The following RERE variants were observed in gnomAD, a reference collection of about 807,000 sequenced individuals.
RERE encodes the protein arginine-glutamic acid dipeptide repeats.
RERE carries 40 observed loss-of-function variants against 146.1 expected under a neutral mutation model. The observed-to-expected ratio is 0.27, with a 90% CI of 0.21 to 0.36. The LOEUF (loss-of-function observed/expected upper bound fraction) is 0.36. RERE is among the 10% of genes least tolerant of loss of function. The probability of loss-of-function intolerance (pLI) is 1.00; values close to 1 mark genes in which losing one functional copy is unlikely to be tolerated. For synonymous variants in RERE, 1,003 were observed against 866.0 expected (o/e 1.16, Z -2.78); for missense variants, 1,933 against 2,138.7 (o/e 0.90, Z 1.90).
At chr1:8,671,072 T>C (rs1158504721) in intron 1 of RERE, among the ~76,000 whole-genome samples, 1 of 152,186 alleles carries the variant, frequency 6.6e-6, no homozygotes, top group African/African-American at 2.4e-5. Flanking sequence ...GGAATTCTGT[T>C]GGAATGTATT....
intron 7 of RERE, among the ~76,000 whole-genome samples, chr1:8,536,527 G>A (rs935657741): frequency 3.3e-5 from 5 of 152,132 alleles, no homozygotes; most frequent in South Asian, 2.1e-4. Flanking sequence ...AACCACCGAC[G>A]CTGGTGTTTT....
intron 11 of RERE, among the ~76,000 whole-genome samples, chr1:8,427,312 G>A (rs1258885917): frequency 6.6e-6 from 1 of 152,036 alleles, no homozygotes; most frequent in African/African-American, 2.4e-5. Context: ...ATACCACTTG[G>A]CCTAATTCTC....
intron 12 of RERE, among the ~76,000 whole-genome samples, chr1:8,386,909 G>A (rs1642697377): frequency 1.3e-5 from 2 of 152,130 alleles, no homozygotes; most frequent in Admixed American, 1.3e-4. Context: ...ATAGAAAAAA[G>A]ACGGATAAAG....
chr1:8,545,258 A>G (rs541786609), intron 6 of RERE, among the ~76,000 whole-genome samples: 2 of 152,336 alleles, frequency 1.3e-5, no homozygotes, highest in African/African-American at 2.4e-5. Flanking sequence ...CCCATGTGTT[A>G]GCATCCTTTC....
intron 1 of RERE, among the ~76,000 whole-genome samples, chr1:8,687,731 T>A (rs934259328): frequency 1.3e-5 from 2 of 152,072 alleles, no homozygotes; most frequent in African/African-American, 4.8e-5. Flanking sequence ...TTGAAGGGAG[T>A]CATCAGTCAT....
intron 11 of RERE, among the ~76,000 whole-genome samples, chr1:8,462,589 C>T (rs1318514560): frequency 6.6e-6 from 1 of 152,248 alleles, no homozygotes; most frequent in African/African-American, 2.4e-5. Context: ...CAGCAGGGAA[C>T]TCACACCTTC....
chr1:8,677,222 G>A (rs906540990), intron 1 of RERE, among the ~76,000 whole-genome samples: 4 of 152,100 alleles, frequency 2.6e-5, no homozygotes, highest in Admixed American at 2.6e-4. Flanking sequence ...CTGAGATCAG[G>A]AGTTCGAGAC....
At chr1:8,417,476 C>T (rs924916987) in intron 12 of RERE, among the ~76,000 whole-genome samples, 1 of 152,136 alleles carries the variant, frequency 6.6e-6, no homozygotes, top group African/African-American at 2.4e-5. Flanking sequence ...AAGTTAAAAA[C>T]GTCAAAACTG....
chr1:8,691,532 A>G (rs527300457), intron 1 of RERE, among the ~76,000 whole-genome samples: 1 of 152,344 alleles, frequency 6.6e-6, no homozygotes, highest in East Asian at 1.9e-4. Context: ...TCTAGGGCTC[A>G]CCAGAATAGG....
rs780472194 is a variant in RERE, at chr1:8,355,130, CA to C, written c.4668-11del. 1 of 1,613,790 alleles carries C rather than the reference CA, an allele frequency of 6.2e-7. No homozygotes were observed. The highest frequency in any genetic ancestry group is 1.1e-5 in the South Asian group (1 of 91,074). On this transcript the variant is annotated splice_polypyrimidine_tract_variant and intron_variant, in intron 22 of 22. Transcript: ENST00000400908. ...TTCTTTCTTCAGTCGACTGGAAAGA[CA>C]AAACAGGAAAGCGTATTTAGTCTCA...
At chr1:8,750,817 T>C (rs1640517694) in intron 1 of RERE, 8 of 823,070 alleles carry the variant, frequency 9.7e-6, no homozygotes, top group South Asian at 9.3e-5. Flanking sequence ...AGGCTTCAAT[T>C]AACATGCTGA....
intron 8 of RERE, among the ~76,000 whole-genome samples, chr1:8,498,250 T>A (rs1645072220): frequency 6.6e-6 from 1 of 152,004 alleles, no homozygotes; most frequent in South Asian, 2.1e-4. Flanking sequence ...TTCCAGCTAC[T>A]CAGGAGGCTG....
chr1:8,496,332 C>A (rs530194271), intron 9 of RERE, among the ~76,000 whole-genome samples: 1 of 151,898 alleles, frequency 6.6e-6, no homozygotes, highest in Non-Finnish European at 1.5e-5. Flanking sequence ...TTAAAAATAG[C>A]CGGGCATGGT....
intron 12 of RERE, among the ~76,000 whole-genome samples, chr1:8,368,901 C>CAA (rs60362841): frequency 3.6e-5 from 5 of 137,286 alleles, no homozygotes; most frequent in Admixed American, 7.3e-5. Flanking sequence ...TCCCCCACCT[C>CAA]AAAAAAAAAA....
intron 3 of RERE, among the ~76,000 whole-genome samples, chr1:8,616,250 C>G (rs547429674): frequency 2.6e-5 from 4 of 152,094 alleles, no homozygotes; most frequent in African/African-American, 7.2e-5. Flanking sequence ...TTTAAACATG[C>G]AAATAGTTCA....
chr1:8,762,260 C>T lies in RERE; in HGVS notation c.-145+54900G>A, dbSNP rs757010730. ...CTGTACTGACATACAAGCATCGTCA[C>T]CCTACTGGAAGACAAGCGCCTTAGG... is the stretch of plus-strand genomic sequence containing the variant. On this transcript the variant is annotated intron_variant, in intron 1 of 22. Coordinates refer to ENST00000400908, the MANE Select transcript of RERE (RefSeq NM_001042681.2). Among the ~76,000 whole-genome samples the T allele has an allele frequency of 2.6e-5, 4 of 152,202 alleles. No individual in the cohort carries two copies. The East Asian group carries it at 7.7e-4, about 29-fold the overall frequency.
Position 8,388,190 on chromosome 1 carries a change from G to C in RERE, c.1285-22216C>G, listed in dbSNP as rs909843767. Among the ~76,000 whole-genome samples, 6 of 152,112 alleles carry C rather than the reference G, an allele frequency of 3.9e-5. No individual in the cohort carries two copies. In the East Asian group the frequency reaches 1.2e-3, roughly 29 times the overall value. On this transcript the variant is annotated intron_variant, in intron 12 of 22. Transcript: ENST00000400908. ...ACATGCAAAACTAATATACTGTGTA[G>C]CAATACACATATATGAGGCAAGCCA...
chr1:8,448,145 C>T (rs915822613), intron 11 of RERE, among the ~76,000 whole-genome samples: 2 of 152,090 alleles, frequency 1.3e-5, no homozygotes, highest in Non-Finnish European at 2.9e-5. Context: ...TCCAGGGCCA[C>T]CTGGAGGCCT....
chr1:8,433,761 C>T (rs1442382986), intron 11 of RERE, among the ~76,000 whole-genome samples: 39 of 151,516 alleles, frequency 2.6e-4, no homozygotes, highest in African/African-American at 7.8e-4. Flanking sequence ...GGGGTTTCAC[C>T]TTGTTAGCCA....
Sources: allele counts gnomAD v4.1 joint callset (sites outside exome capture counted in the v4.1 genomes callset), GRCh38; gene constraint gnomAD v4.1.1; transcripts MANE v1.5; gene names NCBI Gene and HGNC (gene_info 2026-07-23, HGNC 2026-07-21).